DAB1: variants seen among roughly 807,000 people sequenced by gnomAD.
DAB1 encodes disabled homolog 1.
In DAB1, 15 loss-of-function variants were observed where a neutral mutation model predicts 64.6. That is an observed-to-expected ratio of 0.23 (90% confidence interval 0.16 to 0.36). DAB1 has a LOEUF of 0.36. Ranked by LOEUF, DAB1 falls within the 10% of genes least tolerant of loss-of-function variation. DAB1 has a pLI of 1.00. For missense variants in DAB1, 596 were observed against 706.7 expected (o/e 0.84, Z 1.78); for synonymous variants, 235 against 251.9 (o/e 0.93, Z 0.64).
At chr1:57,637,957 A>G (rs893348302) in intron 7 of DAB1, among the ~76,000 whole-genome samples, 1 of 152,226 alleles carries the variant, frequency 6.6e-6, no homozygotes, top group Non-Finnish European at 1.5e-5. Flanking sequence ...TCAGTTGTTT[A>G]CAATGATTGT....
intron 3 of DAB1, among the ~76,000 whole-genome samples, chr1:58,362,380 T>A (rs953174366): frequency 1.3e-5 from 2 of 152,190 alleles, no homozygotes; most frequent in Non-Finnish European, 2.9e-5. Context: ...TATGTCTCCA[T>A]CCTTTGAGGG....
intron 1 of DAB1, among the ~76,000 whole-genome samples, chr1:57,341,210 G>A (rs1380522491): frequency 6.6e-6 from 1 of 152,124 alleles, no homozygotes; most frequent in African/African-American, 2.4e-5. Flanking sequence ...TAACCCCCAT[G>A]TGCCATCTCT....
intron 4 of DAB1, among the ~76,000 whole-genome samples, chr1:58,340,005 A>G (rs1212250207): frequency 6.6e-6 from 1 of 152,146 alleles, no homozygotes; most frequent in African/African-American, 2.4e-5. Context: ...ATCACAGCTA[A>G]TTTTTCAAGA....
chr1:58,375,064 CT>C (rs2100540369), intron 3 of DAB1, among the ~76,000 whole-genome samples: 1 of 142,018 alleles, frequency 7.0e-6, no homozygotes, highest in Admixed American at 7.0e-5. Flanking sequence ...TGCTTATCAG[CT>C]TAAGGAGATT....
chr1:57,909,949 T>C (rs1438487788), intron 5 of DAB1, among the ~76,000 whole-genome samples: 3 of 152,200 alleles, frequency 2.0e-5, no homozygotes, highest in South Asian at 2.1e-4. Flanking sequence ...CATATTTATA[T>C]AGAAGATGCA....
chr1:58,202,955 C>A (rs1485220293), intron 4 of DAB1, among the ~76,000 whole-genome samples: 1 of 152,192 alleles, frequency 6.6e-6, no homozygotes, highest in Non-Finnish European at 1.5e-5. Context: ...AGAGCACAGA[C>A]AACCTGCTTT....
Position 58,097,595 on chromosome 1 carries a change from T to C in DAB1, n.387+52916A>G, listed in dbSNP as rs547240187. 2.6e-5 allele frequency among the ~76,000 whole-genome samples: 4 copies of C among 151,940 alleles called. No homozygotes were observed. The South Asian group carries it at 8.4e-4, about 32-fold the overall frequency. On this transcript the variant is annotated intron_variant and non_coding_transcript_variant, in intron 5 of 20. Transcript: ENST00000485760. ...GATGAGTAGGAGTTCATCAGGTAAA[T>C]TGAGAGGTGAGTCTCCCAGATAGAA...
At position 57,391,065 on chromosome 1, in the gene DAB1, C is replaced by A. The variant is rs114107041; in HGVS notation, c.-137+32865G>T. Among the ~76,000 whole-genome samples, 384 of 152,314 alleles carry A rather than the reference C, an allele frequency of 2.5e-3. 2 individuals carry two copies. Among genetic ancestry groups the A allele is most frequent in the African/African-American group, 9.0e-3 (373 of 41,560 alleles). On this transcript the variant is annotated intron_variant, in intron 1 of 14. Coordinates refer to ENST00000371236, the MANE Select transcript of DAB1 (RefSeq NM_001365792.1). ...CTTAATTAATACCTCACACAGCCAG[C>A]CAGGGACAGAGCTGAGCTTTGAATC...
chr1:57,778,703 A>T (rs1459927147), intron 6 of DAB1, among the ~76,000 whole-genome samples: 1 of 152,050 alleles, frequency 6.6e-6, no homozygotes. Flanking sequence ...TAGATAAATA[A>T]CTTCTTCTTA....
intron 3 of DAB1, among the ~76,000 whole-genome samples, chr1:58,475,731 G>A (rs934531726): frequency 8.5e-5 from 13 of 152,160 alleles, no homozygotes; most frequent in Non-Finnish European, 1.9e-4. Context: ...GCATATACAC[G>A]TTACTATATT....
At chr1:57,645,727 G>T (rs372292323) in intron 7 of DAB1, among the ~76,000 whole-genome samples, 154 of 152,274 alleles carry the variant, frequency 1.0e-3, no homozygotes, top group African/African-American at 3.6e-3. Context: ...TAAAGGGATT[G>T]ATTTGCTCAA....
At chr1:57,943,437 G>C (rs1204460420) in intron 5 of DAB1, among the ~76,000 whole-genome samples, 1 of 152,188 alleles carries the variant, frequency 6.6e-6, no homozygotes. Context: ...TGTGGCCCCT[G>C]TCCTATTGGA....
chr1:57,261,399 G>A lies in DAB1; in HGVS notation c.67+29565C>T, dbSNP rs376159021. Among the ~76,000 whole-genome samples the A allele has an allele frequency of 3.6e-4, 54 of 152,096 alleles. No individual in the cohort carries two copies. The South Asian group carries it at 9.3e-3, about 26-fold the overall frequency. ...TTTCTCCCTCGCCCCAATCCACTTC[G>A]CCCCCATAGCATGGTTGACCCCTTA... On this transcript the variant is annotated intron_variant, in intron 2 of 14. Coordinates refer to ENST00000371236, the MANE Select transcript of DAB1 (RefSeq NM_001365792.1).
At chr1:58,111,868 T>C (rs1651982540) in intron 5 of DAB1, among the ~76,000 whole-genome samples, 1 of 152,196 alleles carries the variant, frequency 6.6e-6, no homozygotes, top group Non-Finnish European at 1.5e-5. Flanking sequence ...GCCAGAAGTT[T>C]AGTTTTTAGG....
At chr1:58,501,855 T>C (rs1256121752) in intron 3 of DAB1, among the ~76,000 whole-genome samples, 1 of 152,022 alleles carries the variant, frequency 6.6e-6, no homozygotes, top group Non-Finnish European at 1.5e-5. Flanking sequence ...GTCTGAAGGG[T>C]GGGGCCCTGA....
chr1:58,329,961 T>G (rs1216017228), intron 4 of DAB1, among the ~76,000 whole-genome samples: 1 of 152,180 alleles, frequency 6.6e-6, no homozygotes, highest in Admixed American at 6.5e-5. Flanking sequence ...CTATAAATAT[T>G]CAAGTGAAAG....
At chr1:57,301,060 T>C (rs1254048611) in intron 1 of DAB1, among the ~76,000 whole-genome samples, 1 of 151,960 alleles carries the variant, frequency 6.6e-6, no homozygotes, top group East Asian at 1.9e-4. Flanking sequence ...GCTTCCATTT[T>C]CTTTTCCAAA....
chr1:58,329,653 A>G (rs927070327), intron 4 of DAB1, among the ~76,000 whole-genome samples: 8 of 152,188 alleles, frequency 5.3e-5, no homozygotes, highest in African/African-American at 1.7e-4. Context: ...TTCCAACAGC[A>G]TAAGCTCAGT....
At chr1:57,987,582 A>G (rs1440153260) in intron 5 of DAB1, among the ~76,000 whole-genome samples, 1 of 152,194 alleles carries the variant, frequency 6.6e-6, no homozygotes, top group East Asian at 1.9e-4. Context: ...GAATGAATGA[A>G]TAAACCATAC....
Sources: allele counts gnomAD v4.1 joint callset (sites outside exome capture counted in the v4.1 genomes callset), GRCh38; gene constraint gnomAD v4.1.1; transcripts MANE v1.5; gene names NCBI Gene and HGNC (gene_info 2026-07-23, HGNC 2026-07-21).